DMXL2: variants seen among roughly 807,000 people sequenced by gnomAD.
DMXL2 encodes the protein dmX-like protein 2.
Under a neutral mutation model 331.1 loss-of-function variants are expected in DMXL2, and 103 were observed. The ratio of observed to expected loss-of-function variants is 0.31; its 90% CI spans 0.27 to 0.37. The LOEUF (loss-of-function observed/expected upper bound fraction) is 0.37, where lower values mean the gene tolerates loss of function less well. DMXL2 is among the 10% of genes least tolerant of loss of function. The pLI, the probability that DMXL2 is intolerant of heterozygous loss-of-function variation, is 1.00. For synonymous variants in DMXL2, 1,281 were observed against 1,252.1 expected, an observed-to-expected ratio of 1.02 and a Z score of -0.49; for missense variants, 3,171 against 3,642.9, an observed-to-expected ratio of 0.87 and a Z score of 3.33.
At chr15:51,466,071 G>C (rs2040541542) in intron 30 of DMXL2, 113 bp downstream of exon 30, 12 of 944,958 alleles carry the variant, frequency 1.3e-5, no homozygotes, top group Non-Finnish European at 1.8e-5. Context: ...GGAAACATAA[G>C]TCATTTCTTA....
intron 14 of DMXL2, among the ~76,000 whole-genome samples, chr15:51,514,936 G>A (rs1473438226): frequency 2.0e-5 from 3 of 151,948 alleles, no homozygotes; most frequent in African/African-American, 7.2e-5. Flanking sequence ...TGACTAGGGA[G>A]GGCTGCACTA....
chr15:51,563,263 C>CTTTG, intron 6 of DMXL2, 118 bp downstream of exon 6: 1 of 855,098 alleles, frequency 1.2e-6, no homozygotes, highest in Admixed American at 3.1e-5. Context: ...TTCAGGCCAG[C>CTTTG]TTTGCCAAGG....
chr15:51,595,010 C>T (rs2052686689), intron 1 of DMXL2, among the ~76,000 whole-genome samples: 2 of 152,262 alleles, frequency 1.3e-5, no homozygotes, highest in East Asian at 3.9e-4. Flanking sequence ...AAAACTGGCA[C>T]AAGACAGGGA....
chr15:51,613,273 T>C (rs900931458), intron 1 of DMXL2, among the ~76,000 whole-genome samples: 1 of 152,214 alleles, frequency 6.6e-6, no homozygotes, highest in Admixed American at 6.5e-5. Flanking sequence ...TAAATGTCCA[T>C]GAAATCTTCA....
At position 51,607,051 on chromosome 15, in the gene DMXL2, G is replaced by A. The variant is rs141094457; in HGVS notation, c.87+15408C>T. 1.2e-4 allele frequency among the ~76,000 whole-genome samples: 19 copies of A among 152,194 alleles called. No individual in the cohort carries two copies. In the East Asian group the frequency reaches 2.9e-3, roughly 23 times the overall value. On this transcript the variant is annotated intron_variant, in intron 1 of 43. Coordinates refer to ENST00000560891, the MANE Select transcript of DMXL2 (RefSeq NM_001378457.1). ...TGGATGCCTGTAATCCCAGCTACTC[G>A]GGAGGCTGAGGCAGGAGAATCGCTT...
chr15:51,514,769 C>T (rs1366006530), intron 14 of DMXL2, among the ~76,000 whole-genome samples: 1 of 148,670 alleles, frequency 6.7e-6, no homozygotes, highest in Non-Finnish European at 1.5e-5. Flanking sequence ...ATGTCACAGC[C>T]AATAGCAGAA....
At chr15:51,578,684 CA>C (rs1430039070) in intron 1 of DMXL2, among the ~76,000 whole-genome samples, 1 of 151,998 alleles carries the variant, frequency 6.6e-6, no homozygotes, top group African/African-American at 2.4e-5. Flanking sequence ...AAAAGTTTGC[CA>C]AAATATATGT....
chr15:51,553,789 T>TAAA (rs34022999), intron 6 of DMXL2, among the ~76,000 whole-genome samples: 1 of 147,250 alleles, frequency 6.8e-6, no homozygotes, highest in African/African-American at 2.5e-5. Context: ...ATGCAGGGTT[T>TAAA]AAAAAAAAAA....
chr15:51,606,351 T>A (rs1480976969), intron 1 of DMXL2, among the ~76,000 whole-genome samples: 2 of 151,534 alleles, frequency 1.3e-5, no homozygotes, highest in African/African-American at 2.4e-5. Context: ...GGGACGACGC[T>A]ATGCCCAGCT....
chr15:51,476,463 T>C, intron 27 of DMXL2, 126 bp downstream of exon 27: 1 of 1,125,146 alleles, frequency 8.9e-7, no homozygotes, highest in Non-Finnish European at 1.3e-6. Context: ...AAAAACATCA[T>C]CAAAAAACAA....
intron 13 of DMXL2, among the ~76,000 whole-genome samples, chr15:51,519,092 C>A (rs1256737784): frequency 6.6e-6 from 1 of 151,916 alleles, no homozygotes; most frequent in Non-Finnish European, 1.5e-5. Context: ...ATGAGCCACA[C>A]TGATACCATT....
Position 51,542,320 on chromosome 15 carries a change from C to CT in DMXL2, c.1105+12dup. ...TTCAACATATTTATGGGAAATAAAACTTTATCCTTTACCTGTGGCAGGGTT... is the reference window on the plus strand; with the variant it reads ...TTCAACATATTTATGGGAAATAAAACTTTTATCCTTTACCTGTGGCAGGGTT... On this transcript the variant is annotated intron_variant, in intron 9 of 43. Coordinates refer to ENST00000560891, the MANE Select transcript of DMXL2 (RefSeq NM_001378457.1). 4 of 1,607,064 alleles carry CT rather than the reference C, an allele frequency of 2.5e-6. No homozygotes were observed. Among genetic ancestry groups the CT allele is most frequent in the Non-Finnish European group, 3.4e-6 (4 of 1,175,564 alleles).
chr15:51,585,241 TTCAG>T (rs2051713606), intron 1 of DMXL2, among the ~76,000 whole-genome samples: 1 of 126,328 alleles, frequency 7.9e-6, no homozygotes, highest in Admixed American at 8.6e-5. Flanking sequence ...TTTTTGCCCA[TTCAG>T]TATGATATTG....
At position 51,571,676 on chromosome 15, in the gene DMXL2, T is replaced by C. The variant is rs1350874014; in HGVS notation, c.214-3118A>G. On this transcript the variant is annotated intron_variant, in intron 2 of 43. Coordinates refer to ENST00000560891, the MANE Select transcript of DMXL2 (RefSeq NM_001378457.1). ...ACGTGCAAACTGAACAACCTGCTCC[T>C]GAATGACTACTGGGTAAATAACAAA... is the stretch of plus-strand genomic sequence containing the variant. Among the ~76,000 whole-genome samples, 5 of 152,228 alleles carry C rather than the reference T, an allele frequency of 3.3e-5. 1 individual carries two copies.
intron 6 of DMXL2, among the ~76,000 whole-genome samples, chr15:51,549,399 C>G (rs1301052034): frequency 6.6e-6 from 1 of 152,090 alleles, no homozygotes. Context: ...ATTTTTGCAA[C>G]TGCAAATTGT....
intron 1 of DMXL2, among the ~76,000 whole-genome samples, chr15:51,581,095 A>G (rs2051380362): frequency 6.6e-6 from 1 of 152,172 alleles, no homozygotes; most frequent in African/African-American, 2.4e-5. Flanking sequence ...CTACCAGTCC[A>G]TGGCCTGTTA....
In DMXL2 at chr15:51,601,446, T is replaced by C. The variant is rs552756984; in HGVS notation, c.87+21013A>G. Reference sequence around the variant, plus strand: ...CTAATCTACTTGGAGTTAATTTTTATGTATGGGGTGAGATAGGGACCAAGT... The same window carrying C: ...CTAATCTACTTGGAGTTAATTTTTACGTATGGGGTGAGATAGGGACCAAGT... On this transcript the variant is annotated intron_variant, in intron 1 of 43. Coordinates refer to ENST00000560891, the MANE Select transcript of DMXL2 (RefSeq NM_001378457.1). Among the ~76,000 whole-genome samples the C allele has an allele frequency of 9.8e-5, 15 of 152,310 alleles. No homozygotes were observed. The South Asian group carries it at 3.1e-3, about 32-fold the overall frequency.
At chr15:51,566,373 A>G (rs1356240793) in intron 3 of DMXL2, among the ~76,000 whole-genome samples, 1 of 152,126 alleles carries the variant, frequency 6.6e-6, no homozygotes, top group African/African-American at 2.4e-5. Context: ...TGCTGACCAA[A>G]CAACAATCAC....
chr15:51,545,792 G>A, intron 7 of DMXL2, 26 bp from the exon 8 acceptor site: 4 of 1,578,152 alleles, frequency 2.5e-6, no homozygotes, highest in African/African-American at 1.4e-5. Context: ...AATAAATAAA[G>A]GTTAATGTGA....
Sources: gnomAD v4.1 joint callset for allele counts (sites outside exome capture counted in the v4.1 genomes callset) on GRCh38, gnomAD v4.1.1 for gene constraint, MANE v1.5 for transcripts, NCBI Gene and HGNC (gene_info 2026-07-23, HGNC 2026-07-21) for gene names.